The following MED15 variants were observed in gnomAD, a reference collection of about 807,000 sequenced individuals.
MED15 encodes mediator complex subunit 15.
MED15 carries 41 observed loss-of-function variants against 118.7 expected under a neutral mutation model. That is an observed-to-expected ratio of 0.35 (90% CI 0.27 to 0.45). The LOEUF is 0.45. Ranked by LOEUF, MED15 falls within the 20% of genes least tolerant of loss-of-function variation. The pLI is 1.00. For missense variants in MED15, 740 were observed against 1,025.5 expected, an observed-to-expected ratio of 0.72 and a Z score of 3.80; for synonymous variants, 436 against 413.9, an observed-to-expected ratio of 1.05 and a Z score of -0.65.
At chr22:20,553,828 G>A (rs177419) in intron 4 of MED15, among the ~76,000 whole-genome samples, 67,955 of 152,046 alleles carry the variant, frequency 0.45, 15,551 homozygotes, top group East Asian at 0.51. Flanking sequence ...TTGAGATCGT[G>A]CCACTGCACT....
chr22:20,562,896 T>TGTG (rs555948289), intron 5 of MED15, among the ~76,000 whole-genome samples: 283 of 151,914 alleles, frequency 1.9e-3, no homozygotes, highest in Non-Finnish European at 3.4e-3. Context: ...ATTAGTTGGG[T>TGTG]GTGGTGGCAT....
intron 9 of MED15, chr22:20,582,116 G>C (rs1219526730): frequency 5.1e-6 from 1 of 197,180 alleles, no homozygotes; most frequent in East Asian, 1.8e-4. Context: ...AACCACAACA[G>C]ATGGCTGTAG....
intron 7 of MED15, among the ~76,000 whole-genome samples, chr22:20,567,781 C>T (rs540090579): frequency 1.5e-3 from 236 of 152,282 alleles, no homozygotes; most frequent in Non-Finnish European, 1.5e-3. Context: ...TGCATGGTGG[C>T]GCGGGCCTGT....
chr22:20,516,596 CT>C (rs1339352366), intron 1 of MED15, among the ~76,000 whole-genome samples: 3 of 151,994 alleles, frequency 2.0e-5, no homozygotes, highest in Non-Finnish European at 4.4e-5. Context: ...GGTCTTCCAG[CT>C]ATTACTGGTG....
chr22:20,508,601 A>G (rs922781897), intron 1 of MED15, among the ~76,000 whole-genome samples: 1 of 152,198 alleles, frequency 6.6e-6, no homozygotes, highest in Admixed American at 6.5e-5. Flanking sequence ...TGGATCTCAC[A>G]AAGTACATTC....
chr22:20,545,202 A>G (rs1015211125), intron 2 of MED15, among the ~76,000 whole-genome samples: 6 of 152,278 alleles, frequency 3.9e-5, no homozygotes, highest in Middle Eastern at 3.4e-3. Context: ...AAATTAGGCC[A>G]GGCACGGTGG....
chr22:20,545,222 G>A (rs1325867808), intron 2 of MED15, among the ~76,000 whole-genome samples: 1 of 152,176 alleles, frequency 6.6e-6, no homozygotes, highest in Non-Finnish European at 1.5e-5. Context: ...GCCCATGCCT[G>A]TAATCCCAAC....
intron 5 of MED15, among the ~76,000 whole-genome samples, chr22:20,557,621 G>A (rs1252302577): frequency 6.6e-6 from 1 of 151,986 alleles, no homozygotes; most frequent in Admixed American, 6.6e-5. Flanking sequence ...GTTTTTAAAT[G>A]TATGAGTTTA....
At chr22:20,508,570 T>C (rs1356505052) in intron 1 of MED15, 1 of 410,266 alleles carries the variant, frequency 2.4e-6, no homozygotes, top group Non-Finnish European at 4.3e-6. Flanking sequence ...AATTAGTCAA[T>C]TGTTCTCTGG....
At chr22:20,566,005 G>C (rs2146590591) in intron 6 of MED15, among the ~76,000 whole-genome samples, 1 of 151,690 alleles carries the variant, frequency 6.6e-6, no homozygotes, top group South Asian at 2.1e-4. Flanking sequence ...GTGAGTGAGA[G>C]GTCAGCCTGT....
At chr22:20,577,736 C>A (rs1194457221) in intron 9 of MED15, among the ~76,000 whole-genome samples, 1 of 151,858 alleles carries the variant, frequency 6.6e-6, no homozygotes, top group Non-Finnish European at 1.5e-5. Flanking sequence ...CGCCCATTCG[C>A]ACTGGCAGTG....
At chr22:20,540,892 T>TCAACAACAA (rs34408752) in intron 2 of MED15, among the ~76,000 whole-genome samples, 12 of 149,874 alleles carry the variant, frequency 8.0e-5, no homozygotes, top group South Asian at 2.1e-4. Context: ...CTCCTACAAC[T>TCAACAACAA]CAACAACAAC....
At chr22:20,573,197 G>T (rs1444909823) in intron 8 of MED15, among the ~76,000 whole-genome samples, 1 of 152,072 alleles carries the variant, frequency 6.6e-6, no homozygotes, top group African/African-American at 2.4e-5. Flanking sequence ...TGAACTCCTC[G>T]CCTTAAGAGA....
At chr22:20,565,308 G>C (rs1249920555) in intron 6 of MED15, among the ~76,000 whole-genome samples, 1 of 152,162 alleles carries the variant, frequency 6.6e-6, no homozygotes, top group Non-Finnish European at 1.5e-5. Context: ...CAAGAAGTGA[G>C]ACGAACACTC....
In MED15 at chr22:20,566,526, A is replaced by G. The variant is rs974264366; in HGVS notation, c.750A>G (p.Gln250=). The change falls in exon 7 of 18, where the codon CAA becomes CAG. Residue 250 remains glutamine (Q), a synonymous_variant. Transcript: ENST00000263205. ...RIAQLQLQQQ[Q]QQQQQQQQQQ... is the part of the protein sequence containing the mutation. ...CACAGCTGCAGCTCCAACAACAGCAACAGCAGCAGCAGCAGCAGCAGCAGC... is the reference window on the plus strand; with the variant it reads ...CACAGCTGCAGCTCCAACAACAGCAGCAGCAGCAGCAGCAGCAGCAGCAGC... The G allele has an allele frequency of 1.4e-4, 218 of 1,601,678 alleles. No homozygotes were observed. Among genetic ancestry groups the G allele is most frequent in the Middle Eastern group, 1.7e-4 (1 of 6,010 alleles).
intron 2 of MED15, among the ~76,000 whole-genome samples, chr22:20,546,502 G>GTTTTTTTT (rs139110861): frequency 1.0e-4 from 11 of 109,398 alleles, no homozygotes; most frequent in Non-Finnish European, 1.1e-4. Context: ...GTTACATGGA[G>GTTTTTTTT]TTTTTTTTGT....
rs9624173 is a variant in MED15, at chr22:20,573,326, G to A, written c.1153-1787G>A. Among the ~76,000 whole-genome samples, 1,367 of 152,242 alleles carry A rather than the reference G, an allele frequency of 9.0e-3. 25 individuals are homozygous for A. The highest frequency in any genetic ancestry group is 0.032 in the African/African-American group (1,314 of 41,526). On this transcript the variant is annotated intron_variant, in intron 8 of 17. Coordinates refer to ENST00000263205, the MANE Select transcript of MED15 (RefSeq NM_001003891.3). ...TGTCATTTAACGTTCTATTCTTTTA[G>A]TATGTGAAAACCAAACTCTAATTTA...
At position 20,577,726 on chromosome 22, in the gene MED15, C is replaced by G. The variant is rs570889061; in HGVS notation, c.1272+2494C>G. Among the ~76,000 whole-genome samples the G allele has an allele frequency of 5.3e-5, 8 of 151,948 alleles. 1 individual carries two copies. In the East Asian group the frequency reaches 1.5e-3, roughly 29 times the overall value. On this transcript the variant is annotated intron_variant, in intron 9 of 17. Coordinates refer to ENST00000263205, the MANE Select transcript of MED15 (RefSeq NM_001003891.3). ...GCACACAGATTTAATCACCAGGCCC[C>G]GCCCATTCGCACTGGCAGTGAGAGG...
intron 1 of MED15, among the ~76,000 whole-genome samples, chr22:20,516,743 C>T (rs1167525004): frequency 6.6e-6 from 1 of 152,274 alleles, no homozygotes; most frequent in South Asian, 2.1e-4. Flanking sequence ...TAAAGCATTC[C>T]TTAGGACAGT....
Sources: allele counts gnomAD v4.1 joint callset (sites outside exome capture counted in the v4.1 genomes callset), GRCh38; gene constraint gnomAD v4.1.1; transcripts MANE v1.5; gene names NCBI Gene and HGNC (gene_info 2026-07-23, HGNC 2026-07-21).